Variants in AFDN observed in about 807,000 individuals in gnomAD.
AFDN encodes afadin.
Under a neutral mutation model 216.6 loss-of-function variants are expected in AFDN, and 68 were observed. That is an observed-to-expected ratio of 0.31 (90% confidence interval 0.26 to 0.38). The LOEUF (loss-of-function observed/expected upper bound fraction) is 0.38, where lower values mean the gene tolerates loss of function less well. Ranked by LOEUF, AFDN falls within the 10% of genes least tolerant of loss-of-function variation. AFDN has a pLI of 1.00. For synonymous variants in AFDN, 868 were observed against 853.7 expected, an observed-to-expected ratio of 1.02 and a Z score of -0.29; for missense variants, 2,136 against 2,342.0, an observed-to-expected ratio of 0.91 and a Z score of 1.82.
rs1297326777 is a variant in AFDN, at chr6:167,827,081, G to C, written c.-52G>C. 1.3e-5 allele frequency: 13 copies of C among 1,032,148 alleles called. No individual in the cohort carries two copies. Among genetic ancestry groups the C allele is most frequent in the South Asian group, 2.1e-5 (1 of 48,626 alleles). The allele number at this position is 1,032,148 out of a possible 1,614,324, so 63.9% of individuals were successfully genotyped here. The stretch of plus-strand genomic sequence containing the variant: ...GGGCCCCCGCGGACCTGTCGTCCTC[G>C]GCCCGTCCTCCGGCCCCGGCCCCGC... On this transcript the variant is annotated 5_prime_UTR_variant, in exon 1 of 34. Coordinates refer to ENST00000683244, the MANE Select transcript of AFDN (RefSeq NM_001386888.1).
intron 2 of AFDN, among the ~76,000 whole-genome samples, chr6:167,867,720 C>T (rs142015207): frequency 2.0e-5 from 3 of 152,188 alleles, no homozygotes; most frequent in South Asian, 2.1e-4. Flanking sequence ...CGTGAGCCAC[C>T]GCGCCCGGTT....
At chr6:167,831,755 A>G (rs561924061) in intron 1 of AFDN, among the ~76,000 whole-genome samples, 61 of 152,290 alleles carry the variant, frequency 4.0e-4, no homozygotes, top group African/African-American at 1.4e-3. Flanking sequence ...AGCTTAAGAA[A>G]CGTTTATGAT....
intron 5 of AFDN, among the ~76,000 whole-genome samples, chr6:167,875,768 A>G (rs1389235617): frequency 1.3e-5 from 2 of 152,096 alleles, no homozygotes; most frequent in African/African-American, 2.4e-5. Context: ...AAAGAGAAAG[A>G]TACAATAAAC....
At chr6:167,958,495 C>CT (rs1283803725) in intron 30 of AFDN, among the ~76,000 whole-genome samples, 3 of 152,212 alleles carry the variant, frequency 2.0e-5, no homozygotes, top group African/African-American at 7.2e-5. Flanking sequence ...TGACAAATCT[C>CT]TCAGTGGCTA....
chr6:167,902,371 A>T lies in AFDN; in HGVS notation c.1635A>T (p.Ala545=), dbSNP rs549790232. 2.5e-6 allele frequency: 4 copies of T among 1,612,534 alleles called. No homozygotes were observed. Among genetic ancestry groups the T allele is most frequent in the Admixed American group, 3.3e-5 (2 of 59,986 alleles). The change falls in exon 12 of 34, where the codon GCA becomes GCT. Residue 545 remains alanine, a synonymous_variant. Coordinates refer to ENST00000683244, the MANE Select transcript of AFDN (RefSeq NM_001386888.1). ...GAGGAGATATTCATAGTGGGACAGC[A>T]TTACCGACAAGCAAGGTAGGTAATT... ...DLGGDIHSGT[A]LPTSKSTTRL... is the part of the protein sequence containing the mutation.
At chr6:167,875,240 G>A in intron 4 of AFDN, 95 bp from the exon 5 acceptor site, 1 of 1,166,494 alleles carries the variant, frequency 8.6e-7, no homozygotes, top group Middle Eastern at 2.5e-4. Flanking sequence ...TAGCCAAATA[G>A]CACCTGCCAT....
intron 1 of AFDN, among the ~76,000 whole-genome samples, chr6:167,829,714 T>A (rs888053926): frequency 2.0e-5 from 3 of 152,158 alleles, no homozygotes; most frequent in African/African-American, 7.2e-5. Flanking sequence ...GTATCTGTTT[T>A]CAAATTTTAT....
intron 13 of AFDN, among the ~76,000 whole-genome samples, chr6:167,910,574 G>A (rs192042961): frequency 3.9e-5 from 6 of 152,298 alleles, no homozygotes; most frequent in South Asian, 2.1e-4. Context: ...TAAGGCATGC[G>A]TCACTGTAAG....
Position 167,896,956 on chromosome 6 carries a change from A to T in AFDN, c.1301A>T (p.Asp434Val), listed in dbSNP as rs1356138920. ...SVTEVGTEKL[D>V]DNSIQLFGPG... ...ACTGAAGTTGGGACAGAAAAGTTGG[A>T]TGACAACTCTATCCAGGTACGTAGT... The change falls in exon 10 of 34, where the codon GAT becomes GTT. Residue 434 changes from aspartate (D) to valine (V), a missense_variant. Asp to Val is a radical substitution (Grantham distance 152). Coordinates refer to ENST00000683244, the MANE Select transcript of AFDN (RefSeq NM_001386888.1). The T allele has an allele frequency of 1.2e-6, 2 of 1,609,686 alleles. No individual in the cohort carries two copies. The highest frequency in any genetic ancestry group is 1.7e-6 in the Non-Finnish European group (2 of 1,176,034).
chr6:167,856,471 T>C (rs947570563), intron 1 of AFDN, among the ~76,000 whole-genome samples: 1 of 152,112 alleles, frequency 6.6e-6, no homozygotes, highest in African/African-American at 2.4e-5. Context: ...TAATTCTTTA[T>C]GTGCACATAC....
chr6:167,853,652 A>C (rs1256745467), intron 1 of AFDN, among the ~76,000 whole-genome samples: 1 of 152,058 alleles, frequency 6.6e-6, no homozygotes, highest in Non-Finnish European at 1.5e-5. Context: ...TTGTTCATGC[A>C]TGGAAGGCAT....
intron 30 of AFDN, chr6:167,952,390 G>A: frequency 6.9e-7 from 1 of 1,456,498 alleles, no homozygotes; most frequent in African/African-American, 1.4e-5. Flanking sequence ...TTTAAGACAT[G>A]CTTTGACAAG....
chr6:167,947,887 T>C lies in AFDN; in HGVS notation c.3588T>C (p.Tyr1196=). The C allele has an allele frequency of 6.2e-7, 1 of 1,614,018 alleles. No individual in the cohort carries two copies. The highest frequency in any genetic ancestry group is 8.5e-7 in the Non-Finnish European group (1 of 1,179,922). The change falls in exon 28 of 34, where the codon TAT becomes TAC. Residue 1196 remains tyrosine (Y), a synonymous_variant. Transcript: ENST00000683244. ...CTAGTCCTGGAGGGAAAAGTGCATA[T>C]GCCTCTGGAACAACAGCGAAGATAA... ...QPPSPGGKSA[Y]ASGTTAKITS...
chr6:167,842,282 T>C lies in AFDN; in HGVS notation c.105+15045T>C, dbSNP rs1362142826. Among the ~76,000 whole-genome samples, 4 of 152,182 alleles carry C rather than the reference T, an allele frequency of 2.6e-5. No homozygotes were observed. The East Asian group carries it at 7.7e-4, about 29-fold the overall frequency. ...TTTCTTGGTAATGATACTAGCCTCT[T>C]TCTGGAGCTATTCTTTCCTTATCTC... On this transcript the variant is annotated intron_variant, in intron 1 of 33. Transcript: ENST00000683244.
At chr6:167,830,194 TG>T (rs1779670716) in intron 1 of AFDN, among the ~76,000 whole-genome samples, 1 of 152,248 alleles carries the variant, frequency 6.6e-6, no homozygotes, top group Non-Finnish European at 1.5e-5. Context: ...TGGATAATTA[TG>T]GCAGCAGAGT....
rs1030909012 is a variant in AFDN at position 167,872,508 on chromosome 6, A to C, written c.578+131A>C. 5 of 973,650 alleles carry C rather than the reference A, an allele frequency of 5.1e-6. No individual in the cohort carries two copies. The African/African-American group carries it at 8.2e-5, about 16-fold the overall frequency. 60.3% of individuals were successfully genotyped at this position (973,650 alleles called of 1,614,324 possible). A position where few individuals can be genotyped will look rare whatever the true frequency, so the allele number is the denominator to read the frequency against. On this transcript the variant is annotated intron_variant, in intron 4 of 33. Transcript: ENST00000683244. ...TCAGTCAGGAAATGTGTTTGGGTCT[A>C]CTCCCAGCTCTTCTGTGTGGAGGGA...
Position 167,948,186 on chromosome 6 carries a change from A to G in AFDN, c.3646-107A>G, listed in dbSNP as rs189262091. On this transcript the variant is annotated intron_variant, in intron 28 of 33. Coordinates refer to ENST00000683244, the MANE Select transcript of AFDN (RefSeq NM_001386888.1). ...GTATGGATCAAACACTTTTTAATGCAGTATTTAACATATACTATTTTTTAA... is the reference window on the plus strand; with the variant it reads ...GTATGGATCAAACACTTTTTAATGCGGTATTTAACATATACTATTTTTTAA... The G allele has an allele frequency of 4.0e-4, 378 of 949,244 alleles. No individual in the cohort carries two copies. The African/African-American group carries it at 4.9e-3, about 12-fold the overall frequency. 58.8% of individuals were successfully genotyped at this position (949,244 alleles called of 1,614,324 possible).
rs1227513648 is a variant in AFDN, at chr6:167,951,316, C to G, written c.3962C>G (p.Ser1321Cys). The G allele has an allele frequency of 1.2e-6, 2 of 1,614,206 alleles. No homozygotes were observed. The highest frequency in any genetic ancestry group is 1.7e-6 in the Non-Finnish European group (2 of 1,180,036). The change falls in exon 30 of 34, where the codon TCC becomes TGC. Residue 1321 changes from serine to cysteine, a missense_variant. Ser to Cys is a moderately radical substitution (Grantham distance 112, BLOSUM62 -1). Transcript: ENST00000683244. The surrounding 1 kb of genome is among the most constrained non-coding windows in gnomAD (Gnocchi z 7.1). Reference protein sequence around the residue: ...MWINQSSSLDSSTSSQEHLNH... With the variant: ...MWINQSSSLDCSTSSQEHLNH... ...ATAAATCAGAGCTCCTCACTGGACT[C>G]CAGTACCTCTAGCCAGGAGCATCTG...
chr6:167,935,915 A>G (rs943890336), intron 23 of AFDN, among the ~76,000 whole-genome samples: 6 of 152,174 alleles, frequency 3.9e-5, no homozygotes, highest in Admixed American at 3.9e-4. Flanking sequence ...CTCATAACAA[A>G]CATACTATGA....
Sources: gnomAD v4.1 joint callset for allele counts (sites outside exome capture counted in the v4.1 genomes callset) on GRCh38, gnomAD v4.1.1 for gene constraint, Gnocchi (gnomAD v3.1) non-coding constraint, MANE v1.5 for transcripts, NCBI Gene and HGNC (gene_info 2026-07-23, HGNC 2026-07-21) for gene names.